The following TUSC3 variants were observed in gnomAD, a reference collection of about 807,000 sequenced individuals.
TUSC3 encodes the protein dolichyl-diphosphooligosaccharide--protein glycosyltransferase subunit TUSC3.
TUSC3 carries 45 observed loss-of-function variants against 44.8 expected under a neutral mutation model. The ratio of observed to expected loss-of-function variants is 1.00; its 90% CI spans 0.79 to 1.29. The LOEUF (loss-of-function observed/expected upper bound fraction) is 1.29. TUSC3 is among the 50% of genes most tolerant of loss of function. The pLI, the probability that TUSC3 is intolerant of heterozygous loss-of-function variation, is 0.00. For synonymous variants in TUSC3, 212 were observed against 152.9 expected (o/e 1.39, Z -2.85); for missense variants, 519 against 437.9 (o/e 1.19, Z -1.65).
intron 1 of TUSC3, among the ~76,000 whole-genome samples, chr8:15,607,490 T>G (rs182454758): frequency 6.6e-6 from 1 of 152,294 alleles, no homozygotes; most frequent in Non-Finnish European, 1.5e-5. Flanking sequence ...GAAAAAATTT[T>G]ATTGAAACAT....
chr8:15,512,103 A>G (rs62502474), intron 2 of TUSC3, among the ~76,000 whole-genome samples: 32,118 of 152,150 alleles, frequency 0.21, 3,671 homozygotes, highest in East Asian at 0.41. Context: ...TGTACTACGT[A>G]ATTTCAAAAC....
chr8:15,751,251 A>T (rs947558909), intron 9 of TUSC3, among the ~76,000 whole-genome samples: 19 of 151,708 alleles, frequency 1.3e-4, no homozygotes, highest in African/African-American at 4.4e-4. Context: ...GAAGACAATT[A>T]AAAAAAAACC....
At chr8:15,573,587 C>G (rs1429661232) in intron 1 of TUSC3, among the ~76,000 whole-genome samples, 3 of 151,904 alleles carry the variant, frequency 2.0e-5, no homozygotes, top group Non-Finnish European at 4.4e-5. Flanking sequence ...GAGGGAGCCG[C>G]TGGTGGATGC....
chr8:15,655,859 A>T (rs771290427), intron 3 of TUSC3, among the ~76,000 whole-genome samples: 16 of 152,170 alleles, frequency 1.1e-4, no homozygotes, highest in South Asian at 2.1e-4. Flanking sequence ...CTTCTTCCCC[A>T]AACCACCTTA....
At chr8:15,836,323 T>TAAA in the TUSC3 span, among the ~76,000 whole-genome samples, 38 of 142,668 alleles carry the variant, frequency 2.7e-4, no homozygotes, top group East Asian at 3.1e-3. Context: ...TAAAAATACT[T>TAAA]AAAAAAAAAA....
chr8:15,509,176 C>T (rs544295161), intron 2 of TUSC3, among the ~76,000 whole-genome samples: 2 of 152,294 alleles, frequency 1.3e-5, no homozygotes, highest in East Asian at 3.9e-4. Flanking sequence ...ACATTGTTTT[C>T]CAACAACAGA....
Position 15,680,649 on chromosome 8 carries a change from A to G in TUSC3, c.798+6813A>G, listed in dbSNP as rs140230254. Among the ~76,000 whole-genome samples, 20 of 152,192 alleles carry G rather than the reference A, an allele frequency of 1.3e-4. No individual in the cohort carries two copies. The East Asian group carries it at 3.9e-3, about 29-fold the overall frequency. On this transcript the variant is annotated intron_variant, in intron 6 of 10. Coordinates refer to ENST00000503731, the MANE Select transcript of TUSC3 (RefSeq NM_006765.4). ...TGCTGAATAGTAGTAGAGAGTGGAC[A>G]TCCTTGTCTTGTTCCAGTTCTCAGG...
chr8:15,741,988 C>G (rs1182411348), intron 7 of TUSC3, among the ~76,000 whole-genome samples: 1 of 152,082 alleles, frequency 6.6e-6, no homozygotes, highest in Non-Finnish European at 1.5e-5. Flanking sequence ...TGTCCCATGT[C>G]TGTGGATTCG....
At chr8:15,523,979 C>A (rs889425589) in intron 2 of TUSC3, among the ~76,000 whole-genome samples, 2 of 150,318 alleles carry the variant, frequency 1.3e-5, no homozygotes, top group Non-Finnish European at 3.0e-5. Flanking sequence ...TCACTTGAAC[C>A]CAGAAGGTGC....
chr8:15,458,174 A>G (rs913667544), intron 1 of TUSC3, among the ~76,000 whole-genome samples: 7 of 152,176 alleles, frequency 4.6e-5, no homozygotes, highest in African/African-American at 1.2e-4. Flanking sequence ...TTAAAGTCAT[A>G]TAAGAAAATG....
At chr8:15,748,167 G>C (rs1387654559) in intron 8 of TUSC3, among the ~76,000 whole-genome samples, 1 of 148,280 alleles carries the variant, frequency 6.7e-6, no homozygotes, top group Non-Finnish European at 1.5e-5. Flanking sequence ...TCATTGAGAA[G>C]ACACAAATAG....
upstream of TUSC3, among the ~76,000 whole-genome samples, chr8:15,538,484 C>G (rs1359200416): frequency 1.3e-5 from 2 of 152,182 alleles, no homozygotes; most frequent in Non-Finnish European, 2.9e-5. Flanking sequence ...GTAGCATAAG[C>G]ATGACTGTAG....
rs1277152312 is a variant in TUSC3 at position 15,522,240 on chromosome 8, T to C, written n.189+38757T>C. Among the ~76,000 whole-genome samples, 4 of 151,952 alleles carry C rather than the reference T, an allele frequency of 2.6e-5. No homozygotes were observed. The East Asian group carries it at 7.7e-4, about 29-fold the overall frequency. ...ATAAATAGTATTCAGCCCTTTGTTTTTTTTTTTTCTTTGAGACAGTCTTGC... is the reference window on the plus strand; with the variant it reads ...ATAAATAGTATTCAGCCCTTTGTTTCTTTTTTTTCTTTGAGACAGTCTTGC... On this transcript the variant is annotated intron_variant and non_coding_transcript_variant, in intron 2 of 5. Coordinates refer to the TUSC3 transcript ENST00000503191.
chr8:15,631,668 TTGTGTGTGTGTGTGTGTGTGTGTG>T (rs147004169), intron 2 of TUSC3, among the ~76,000 whole-genome samples: 15 of 145,114 alleles, frequency 1.0e-4, no homozygotes, highest in Non-Finnish European at 2.3e-4. Flanking sequence ...TTTAAGGCTG[TTGTGTGTGTGTGTGTGTGTGTGTG>T]TGTGTGTGTG....
chr8:15,729,121 G>T (rs541937951), intron 6 of TUSC3, among the ~76,000 whole-genome samples: 1 of 152,080 alleles, frequency 6.6e-6, no homozygotes, highest in African/African-American at 2.4e-5. Flanking sequence ...CTAAATTTGT[G>T]ATCTTCAGAG....
intron 6 of TUSC3, among the ~76,000 whole-genome samples, chr8:15,715,091 CT>C (rs945888334): frequency 2.0e-5 from 3 of 151,882 alleles, no homozygotes; most frequent in Non-Finnish European, 2.9e-5. Context: ...CTCAAGGTTT[CT>C]TTTTTTTCCT....
chr8:15,703,796 C>T (rs1047241919), intron 6 of TUSC3, among the ~76,000 whole-genome samples: 2 of 152,102 alleles, frequency 1.3e-5, no homozygotes, highest in African/African-American at 4.8e-5. Context: ...CAAACTCCTC[C>T]TCTCAAGCCC....
At chr8:15,776,022 T>A in the TUSC3 span, among the ~76,000 whole-genome samples, 3,476 of 152,112 alleles carry the variant, frequency 0.023, 109 homozygotes, top group African/African-American at 0.077. Context: ...AGTTTGACTG[T>A]AGAAAAGATG....
the TUSC3 span, among the ~76,000 whole-genome samples, chr8:15,788,865 A>G: frequency 2.6e-5 from 4 of 152,320 alleles, no homozygotes; most frequent in South Asian, 2.1e-4. Flanking sequence ...GGGGCTTGAA[A>G]GAAGTTATTG....
Sources: allele counts gnomAD v4.1 joint callset (sites outside exome capture counted in the v4.1 genomes callset), GRCh38; gene constraint gnomAD v4.1.1; transcripts MANE v1.5; gene names NCBI Gene and HGNC (gene_info 2026-07-23, HGNC 2026-07-21).